The following CDH18 variants were observed in gnomAD, a reference collection of about 807,000 sequenced individuals.
CDH18 encodes cadherin 18, also known as cadherin-18.
In CDH18, 31 loss-of-function variants were observed where a neutral mutation model predicts 67.9. The ratio of observed to expected loss-of-function variants is 0.46; its 90% CI spans 0.34 to 0.62. The LOEUF is 0.62. Among genes scored for constraint, CDH18 ranks in the 20% least tolerant of loss-of-function variants. CDH18 has a pLI of 0.01. For missense variants in CDH18, 890 were observed against 975.5 expected (o/e 0.91, Z 1.17); for synonymous variants, 362 against 347.2 (o/e 1.04, Z -0.48).
At chr5:20,112,772 T>C (rs1580270860) in intron 2 of CDH18, among the ~76,000 whole-genome samples, 1 of 152,216 alleles carries the variant, frequency 6.6e-6, no homozygotes, top group Non-Finnish European at 1.5e-5. Flanking sequence ...ATTATTCATA[T>C]TATTTTTCAC....
chr5:20,383,882 G>A (rs1744103682), intron 1 of CDH18, among the ~76,000 whole-genome samples: 1 of 151,994 alleles, frequency 6.6e-6, no homozygotes, highest in Non-Finnish European at 1.5e-5. Context: ...TTATCAACAA[G>A]ACTATAATAC....
intron 1 of CDH18, among the ~76,000 whole-genome samples, chr5:20,498,753 A>T (rs570573786): frequency 1.3e-5 from 2 of 152,238 alleles, no homozygotes; most frequent in Non-Finnish European, 2.9e-5. Flanking sequence ...AGATAATTAA[A>T]GTGAGCTTGT....
chr5:20,123,785 G>A (rs1484175816), intron 2 of CDH18, among the ~76,000 whole-genome samples: 1 of 151,428 alleles, frequency 6.6e-6, no homozygotes, highest in African/African-American at 2.4e-5. Context: ...CTGCTCGGGA[G>A]GCTGAGGCAG....
At chr5:20,488,955 T>C (rs1316508708) in intron 1 of CDH18, among the ~76,000 whole-genome samples, 1 of 152,006 alleles carries the variant, frequency 6.6e-6, no homozygotes, top group Non-Finnish European at 1.5e-5. Context: ...ATCTCAACAT[T>C]ACCTCTTTAG....
rs187892764 is a variant in CDH18 at position 20,159,735 on chromosome 5, G to C, written c.-518+95709C>G. On this transcript the variant is annotated intron_variant, in intron 2 of 14. Transcript: ENST00000507958. ...ATTGGATGATAAGGCCAAGTTTAACGGTCTTTAAGCATAAATTTTATTACT... is the reference window on the plus strand; with the variant it reads ...ATTGGATGATAAGGCCAAGTTTAACCGTCTTTAAGCATAAATTTTATTACT... Among the ~76,000 whole-genome samples the C allele has an allele frequency of 2.2e-3, 336 of 152,120 alleles. 2 individuals carry two copies. Among genetic ancestry groups the C allele is most frequent in the African/African-American group, 7.6e-3 (314 of 41,524 alleles).
At chr5:19,559,852 C>A (rs1413992493) in intron 8 of CDH18, among the ~76,000 whole-genome samples, 5 of 150,024 alleles carry the variant, frequency 3.3e-5, no homozygotes, top group African/African-American at 1.2e-4. Context: ...AGTAGCTCTG[C>A]TATACACTAA....
At chr5:20,018,724 A>T (rs1738114283) in intron 2 of CDH18, among the ~76,000 whole-genome samples, 1 of 152,198 alleles carries the variant, frequency 6.6e-6, no homozygotes, top group Admixed American at 6.5e-5. Flanking sequence ...TAACTGGAAC[A>T]TTCAGATCTG....
intron 5 of CDH18, 43 bp from the exon 6 acceptor site, chr5:19,612,644 A>C: frequency 7.1e-7 from 1 of 1,417,272 alleles, no homozygotes; most frequent in South Asian, 1.2e-5. Flanking sequence ...GCTATATAAT[A>C]AGCAAGTATC....
At chr5:19,727,743 G>C (rs756082159) in intron 4 of CDH18, among the ~76,000 whole-genome samples, 2 of 152,102 alleles carry the variant, frequency 1.3e-5, no homozygotes, top group African/African-American at 2.4e-5. Context: ...ATCTGTAATT[G>C]TGTATTATGT....
intron 1 of CDH18, among the ~76,000 whole-genome samples, chr5:20,452,739 C>T (rs1750548656): frequency 6.6e-6 from 1 of 152,016 alleles, no homozygotes; most frequent in Non-Finnish European, 1.5e-5. Context: ...CAAACTTGCA[C>T]ACGTACCCCT....
At chr5:19,967,921 T>C (rs1014054337) in intron 2 of CDH18, among the ~76,000 whole-genome samples, 1 of 152,100 alleles carries the variant, frequency 6.6e-6, no homozygotes, top group Non-Finnish European at 1.5e-5. Flanking sequence ...GCAGATGACA[T>C]GATTGTATAT....
rs149805177 is a variant in CDH18, at chr5:20,221,271, T to C, written c.-518+34173A>G. ...GGTACCTATATACACAATGGAGCAT[T>C]ATTCAGCCGTAAAAATGAATGAGAT... is the stretch of plus-strand genomic sequence containing the variant. On this transcript the variant is annotated intron_variant, in intron 2 of 14. Coordinates refer to the CDH18 transcript ENST00000507958. Among the ~76,000 whole-genome samples, 16 of 152,238 alleles carry C rather than the reference T, an allele frequency of 1.1e-4. No homozygotes were observed. The East Asian group carries it at 2.7e-3, about 26-fold the overall frequency.
chr5:20,016,596 AGC>A (rs1171547739), intron 2 of CDH18, among the ~76,000 whole-genome samples: 1 of 152,226 alleles, frequency 6.6e-6, no homozygotes, highest in African/African-American at 2.4e-5. Context: ...ACAATAATTC[AGC>A]ATTGCATAGT....
At chr5:19,867,699 C>T (rs943325650) in intron 2 of CDH18, among the ~76,000 whole-genome samples, 2 of 112,686 alleles carry the variant, frequency 1.8e-5, no homozygotes, top group African/African-American at 3.3e-5. Context: ...ATAAGATATG[C>T]ATATAATAAT....
intron 1 of CDH18, among the ~76,000 whole-genome samples, chr5:20,557,794 A>T (rs563400516): frequency 3.2e-4 from 49 of 152,196 alleles, no homozygotes; most frequent in Admixed American, 6.6e-4. Context: ...AAAGAGTTCA[A>T]CTTGATATAA....
chr5:20,532,556 C>T (rs905239221), intron 1 of CDH18, among the ~76,000 whole-genome samples: 7 of 152,174 alleles, frequency 4.6e-5, no homozygotes, highest in Middle Eastern at 3.4e-3. Flanking sequence ...TAGTCTTGAA[C>T]ATTATTTCTG....
chr5:20,349,213 C>T (rs1740957029), intron 1 of CDH18, among the ~76,000 whole-genome samples: 2 of 152,216 alleles, frequency 1.3e-5, no homozygotes, highest in Middle Eastern at 6.8e-3. Context: ...TTCTTTTACT[C>T]ACACTTATTG....
chr5:19,906,907 A>G (rs1561538460), intron 2 of CDH18, among the ~76,000 whole-genome samples: 1 of 152,076 alleles, frequency 6.6e-6, no homozygotes, highest in African/African-American at 2.4e-5. Context: ...TATATCAGCT[A>G]TCATAAGCTG....
chr5:19,572,263 G>A (rs1048316504), intron 7 of CDH18, among the ~76,000 whole-genome samples: 2 of 152,216 alleles, frequency 1.3e-5, no homozygotes, highest in South Asian at 2.1e-4. Context: ...ATGGTGAGGT[G>A]AGTGAAGGTG....
Sources: gnomAD v4.1 joint callset for allele counts (sites outside exome capture counted in the v4.1 genomes callset) on GRCh38, gnomAD v4.1.1 for gene constraint, MANE v1.5 for transcripts, NCBI Gene and HGNC (gene_info 2026-07-23, HGNC 2026-07-21) for gene names.